The following PHACTR2 variants were observed in gnomAD, a reference collection of about 807,000 sequenced individuals.
PHACTR2 encodes the protein chromosome 6 open reading frame 56.
Under a neutral mutation model 76.0 loss-of-function variants are expected in PHACTR2, and 30 were observed. The observed-to-expected ratio is 0.39, with a 90% CI of 0.30 to 0.54. PHACTR2 has a LOEUF of 0.54. Ranked by LOEUF, PHACTR2 falls within the 20% of genes least tolerant of loss-of-function variation. PHACTR2 has a pLI of 0.61. For missense variants in PHACTR2, 696 were observed against 781.1 expected (o/e 0.89, Z 1.30); for synonymous variants, 292 against 292.5 (o/e 1.00, Z 0.02).
intron 9 of PHACTR2, among the ~76,000 whole-genome samples, chr6:143,779,348 C>CTT (rs985719804): frequency 3.7e-4 from 51 of 138,600 alleles, no homozygotes; most frequent in Non-Finnish European, 4.9e-4. Context: ...ACTAGGTCAT[C>CTT]TTTTTTTTTT....
intron 1 of PHACTR2, among the ~76,000 whole-genome samples, chr6:143,632,829 C>G (rs765670276): frequency 6.6e-6 from 1 of 152,140 alleles, no homozygotes; most frequent in African/African-American, 2.4e-5. Flanking sequence ...TTGCCTTTTT[C>G]AGAACATCAT....
In PHACTR2 at chr6:143,751,747, G is replaced by T. The variant is rs1192674473; in HGVS notation, c.296-2007G>T. 1.3e-5 allele frequency among the ~76,000 whole-genome samples: 2 copies of T among 148,802 alleles called. No homozygotes were observed. The highest frequency in any genetic ancestry group is 5.0e-5 in the African/African-American group (2 of 40,358). ...GCCGCTTATTGTCACCTGCCATCCA[G>T]CTCAGCATCTTCTTGCCTTCCTTTG... On this transcript the variant is annotated intron_variant, in intron 3 of 12. Transcript: ENST00000440869. The surrounding 1 kb of genome is among the most constrained non-coding windows in gnomAD (Gnocchi z 5.7).
chr6:143,704,095 C>CTGTGTGTGTGTGTGTCTGTGTGTGTGTG (rs71024872), intron 1 of PHACTR2, among the ~76,000 whole-genome samples: 28 of 144,128 alleles, frequency 1.9e-4, no homozygotes, highest in Admixed American at 8.3e-4. Context: ...GTGTGTGTGT[C>CTGTGTGTGTGTGTGTCTGTGTGTGTGTG]TGTGTGTGTG....
chr6:143,564,120 T>C (rs1775322687), intron 1 of PHACTR2, among the ~76,000 whole-genome samples: 1 of 148,966 alleles, frequency 6.7e-6, no homozygotes, highest in Non-Finnish European at 1.5e-5. Context: ...TGTTAAACTG[T>C]TTACTTTTTT....
chr6:143,778,417 G>A (rs550846187), intron 9 of PHACTR2, among the ~76,000 whole-genome samples: 1 of 151,700 alleles, frequency 6.6e-6, no homozygotes, highest in African/African-American at 2.4e-5. Flanking sequence ...TCCAGTGAGA[G>A]GAACTACCAT....
chr6:143,543,949 G>A lies in PHACTR2; in HGVS notation c.217+6742G>A, dbSNP rs1041684825. Among the ~76,000 whole-genome samples, 2 of 152,190 alleles carry A rather than the reference G, an allele frequency of 1.3e-5. No homozygotes were observed. The highest frequency in any genetic ancestry group is 4.8e-5 in the African/African-American group (2 of 41,434). On this transcript the variant is annotated intron_variant, in intron 1 of 11. Transcript: ENST00000367584. The surrounding 1 kb of genome is among the most constrained non-coding windows in gnomAD (Gnocchi z 4.7). ...TCAGAAAACAATACCGCAAAGCGTG[G>A]TGCTTTGATGTGCTGAGTATTTCTA...
At position 143,592,844 on chromosome 6, in the gene PHACTR2, T is replaced by C. The variant is rs190102541; in HGVS notation, c.217+55637T>C. Reference sequence around the variant, plus strand: ...GAGCAGATTACTTGAGCCTAGGAGTTTGAGACCCAGGCTGCAAAATGGCGA... The same window carrying C: ...GAGCAGATTACTTGAGCCTAGGAGTCTGAGACCCAGGCTGCAAAATGGCGA... On this transcript the variant is annotated intron_variant, in intron 1 of 11. Coordinates refer to the PHACTR2 transcript ENST00000367584. The surrounding 1 kb of genome is among the most constrained non-coding windows in gnomAD (Gnocchi z 4.0). Among the ~76,000 whole-genome samples the C allele has an allele frequency of 7.8e-4, 118 of 151,838 alleles. No individual in the cohort carries two copies. Among genetic ancestry groups the C allele is most frequent in the African/African-American group, 2.8e-3 (115 of 41,384 alleles).
intron 1 of PHACTR2, among the ~76,000 whole-genome samples, chr6:143,661,320 A>G (rs1475896571): frequency 6.6e-6 from 1 of 152,202 alleles, no homozygotes; most frequent in African/African-American, 2.4e-5. Context: ...TTACTGGTTC[A>G]CAAGAAAACA....
rs922532620 is a variant in PHACTR2, at chr6:143,698,996, G to T, written c.47-13020G>T. On this transcript the variant is annotated intron_variant, in intron 1 of 12. Transcript: ENST00000440869. This position sits in a 1 kb window ranked among gnomAD's most constrained non-coding sequence, Gnocchi z 4.3. The stretch of plus-strand genomic sequence containing the variant: ...CTTTACCTCTCCTATCACAGGGGGC[G>T]CTGACATTGCATCAACTCCCCAGTG... 6.6e-6 allele frequency among the ~76,000 whole-genome samples: 1 copy of T among 152,084 alleles called. No homozygotes were observed. The highest frequency in any genetic ancestry group is 6.5e-5 in the Admixed American group (1 of 15,268).
At chr6:143,638,497 T>A (rs1776505191) in intron 1 of PHACTR2, among the ~76,000 whole-genome samples, 1 of 150,268 alleles carries the variant, frequency 6.7e-6, no homozygotes, top group South Asian at 2.1e-4. Context: ...GTGACTATGA[T>A]CATACCACTG....
intron 12 of PHACTR2, among the ~76,000 whole-genome samples, chr6:143,813,549 C>T (rs1156623297): frequency 1.5e-5 from 2 of 137,732 alleles, no homozygotes; most frequent in South Asian, 2.4e-4. Context: ...ACCCGGGAGG[C>T]GGAGCTTGCA....
rs1302772884 is a variant in PHACTR2 at position 143,760,430 on chromosome 6, G to A, written c.484G>A (p.Ala162Thr). 1 of 1,613,004 alleles carries A rather than the reference G, an allele frequency of 6.2e-7. No individual in the cohort carries two copies. The highest frequency in any genetic ancestry group is 8.5e-7 in the Non-Finnish European group (1 of 1,179,388). ...CACTGAAAACCACTCTGAAACACCG[G>A]CAGCTCCTGCTCTACCTCCTTCTGC... ...ENTENHSETP[A>T]APALPPSAPP... Residue 162 changes from alanine (A) to threonine (T), a missense_variant, in exon 5 of 13, where the codon GCA (alanine) becomes ACA (threonine). By Grantham distance (58) the Ala-to-Thr change is moderately conservative. This residue lies in a region of PHACTR2 where 460 missense variants were observed against 450.9 expected (regional missense o/e 1.02). Coordinates refer to ENST00000440869, the MANE Select transcript of PHACTR2 (RefSeq NM_001100164.2). This position sits in a 1 kb window ranked among gnomAD's most constrained non-coding sequence, Gnocchi z 6.4.
chr6:143,794,736 G>GGAGACAGAAGT lies in PHACTR2; in HGVS notation c.1845+5826_1845+5827insGAGACAGAAGT, dbSNP rs1775787482. ...TTGAACCCAGGAGACAGAAGTTGCA[G>GGAGACAGAAGT]TGAGCTAAGATTATGCCGCCGCACT... On this transcript the variant is annotated intron_variant, in intron 11 of 12. Transcript: ENST00000440869. This position sits in a 1 kb window ranked among gnomAD's most constrained non-coding sequence, Gnocchi z 4.1. Among the ~76,000 whole-genome samples the GGAGACAGAAGT allele has an allele frequency of 6.6e-6, 1 of 152,202 alleles. No homozygotes were observed. Among genetic ancestry groups the GGAGACAGAAGT allele is most frequent in the Non-Finnish European group, 1.5e-5 (1 of 68,038 alleles).
Position 143,659,219 on chromosome 6 carries a change from A to G in PHACTR2, c.13+50897A>G, listed in dbSNP as rs1776904462. Among the ~76,000 whole-genome samples, 1 of 152,164 alleles carries G rather than the reference A, an allele frequency of 6.6e-6. No homozygotes were observed. The highest frequency in any genetic ancestry group is 2.4e-5 in the African/African-American group (1 of 41,452). On this transcript the variant is annotated intron_variant, in intron 1 of 11. Transcript: ENST00000305766. The surrounding 1 kb of genome is among the most constrained non-coding windows in gnomAD (Gnocchi z 5.0). ...TAGCCTACACTAAATTTATATTTAA[A>G]ATTTCTTTTCCTAATAATAAATTAA... is the stretch of plus-strand genomic sequence containing the variant.
chr6:143,544,836 T>G (rs9484763), intron 1 of PHACTR2, among the ~76,000 whole-genome samples: 2,306 of 152,284 alleles, frequency 0.015, 44 homozygotes, highest in East Asian at 0.098. Context: ...CTTTTGACAT[T>G]AAGTATCTAT....
intron 1 of PHACTR2, among the ~76,000 whole-genome samples, chr6:143,682,564 T>A (rs900044133): frequency 1.3e-5 from 2 of 152,210 alleles, no homozygotes; most frequent in African/African-American, 2.4e-5. Flanking sequence ...TCCTTATGAT[T>A]TTCTATATAC....
In PHACTR2 at chr6:143,608,688, G is replaced by A. The variant is rs542146306; in HGVS notation, c.13+366G>A. 3.3e-5 allele frequency among the ~76,000 whole-genome samples: 5 copies of A among 152,324 alleles called. No homozygotes were observed. Among genetic ancestry groups the A allele is most frequent in the East Asian group, 1.9e-4 (1 of 5,186 alleles). Reference sequence around the variant, plus strand: ...AAGGTAGATGGAATTAAGTTAATGAGCTGAGCAAAAATTCTGTGTAAATAT... The same window carrying A: ...AAGGTAGATGGAATTAAGTTAATGAACTGAGCAAAAATTCTGTGTAAATAT... On this transcript the variant is annotated intron_variant, in intron 1 of 11. Transcript: ENST00000305766. This position sits in a 1 kb window ranked among gnomAD's most constrained non-coding sequence, Gnocchi z 4.6.
rs573575096 is a variant in PHACTR2, at chr6:143,722,335, A to C, written c.214+10152A>C. ...GTCTCTGGCATTGGTTTTTTTTTCT[A>C]TTCTGGCCACTGTCCTCCATGATAT... On this transcript the variant is annotated intron_variant, in intron 2 of 12. Coordinates refer to ENST00000440869, the MANE Select transcript of PHACTR2 (RefSeq NM_001100164.2). This position sits in a 1 kb window ranked among gnomAD's most constrained non-coding sequence, Gnocchi z 4.1. Among the ~76,000 whole-genome samples, 1 of 150,922 alleles carries C rather than the reference A, an allele frequency of 6.6e-6. No homozygotes were observed. Among genetic ancestry groups the C allele is most frequent in the African/African-American group, 2.4e-5 (1 of 41,144 alleles).
chr6:143,745,158 T>C (rs1779028765), intron 2 of PHACTR2, among the ~76,000 whole-genome samples: 1 of 152,128 alleles, frequency 6.6e-6, no homozygotes, highest in African/African-American at 2.4e-5. Context: ...GTGCATAGAT[T>C]GGTGTAAGCT....
Sources: gnomAD v4.1 joint callset for allele counts (sites outside exome capture counted in the v4.1 genomes callset) on GRCh38, gnomAD v4.1.1 for gene constraint, gnomAD v4.1.1 regional missense constraint, Gnocchi (gnomAD v3.1) non-coding constraint, MANE v1.5 for transcripts, NCBI Gene and HGNC (gene_info 2026-07-23, HGNC 2026-07-21) for gene names.